IYD: variants seen among roughly 807,000 people sequenced by gnomAD.
IYD encodes iodotyrosine deiodinase 1.
Under a neutral mutation model 28.4 loss-of-function variants are expected in IYD, and 25 were observed. That is an observed-to-expected ratio of 0.88 (90% CI 0.64 to 1.23). The LOEUF (loss-of-function observed/expected upper bound fraction) is 1.23, where lower values mean the gene tolerates loss of function less well. Ranked by LOEUF, IYD falls within the 50% of genes most tolerant of loss-of-function variation. IYD has a pLI of 0.00. For missense variants in IYD, 352 were observed against 357.9 expected (o/e 0.98, Z 0.13); for synonymous variants, 140 against 130.8 (o/e 1.07, Z -0.48).
chr6:150,398,226 G>T lies in IYD; in HGVS notation c.859G>T (p.Val287Leu), dbSNP rs1032066874. 1 of 1,614,138 alleles carries T rather than the reference G, an allele frequency of 6.2e-7. No homozygotes were observed. Among genetic ancestry groups the T allele is most frequent in the Admixed American group, 1.7e-5 (1 of 60,016 alleles). ...GCGCAAACCTCTGGACCAGATCATG[G>T]TGACAGTGTAGGCAGGGCCCCCCAA... ...LKRKPLDQIM[V>L]TV Residue 287 changes from valine (V) to leucine (L), a missense_variant, in exon 5 of 5, where the codon GTG becomes TTG. Transcript: ENST00000344419.
In IYD at chr6:150,398,112, G is replaced by T; in HGVS notation, c.745G>T (p.Val249Leu). 2 of 1,614,164 alleles carry T rather than the reference G, an allele frequency of 1.2e-6. No individual in the cohort carries two copies. The highest frequency in any genetic ancestry group is 1.7e-6 in the Non-Finnish European group (2 of 1,180,030). The change falls in exon 5 of 5, where the codon GTG becomes TTG. Residue 249 changes from valine (V) to leucine (L), a missense_variant. Physicochemically the swap from Val to Leu is conservative, Grantham distance 32. Coordinates refer to ENST00000344419, the MANE Select transcript of IYD (RefSeq NM_203395.3). ...TCTCAACTGTGGCCCTCGACTGAGG[G>T]TGCTCCTGGGCCGCCCCGCACATGA... The part of the protein sequence containing the change: ...TPLNCGPRLR[V>L]LLGRPAHEKL...
chr6:150,395,799 A>G (rs1177949037), intron 4 of IYD: 4 of 624,318 alleles, frequency 6.4e-6, no homozygotes, highest in Non-Finnish European at 1.2e-5. Flanking sequence ...TCTGATTGGA[A>G]AAGCTGGAGA....
intron 1 of IYD, among the ~76,000 whole-genome samples, chr6:150,386,469 T>A (rs1295110435): frequency 6.6e-6 from 1 of 152,150 alleles, no homozygotes; most frequent in African/African-American, 2.4e-5. Context: ...TCTGGTCCAA[T>A]AAGTCTGCTT....
chr6:150,405,766 A>G lies in IYD; in HGVS notation c.*7529A>G, dbSNP rs1348862735. Reference sequence around the variant, plus strand: ...TGGGGATTATGGGAACTACAATGCAAGATGAGATTTGGGTGAAGACATAGC... The same window carrying G: ...TGGGGATTATGGGAACTACAATGCAGGATGAGATTTGGGTGAAGACATAGC... On this transcript the variant is annotated 3_prime_UTR_variant, in exon 5 of 5. Coordinates refer to ENST00000344419, the MANE Select transcript of IYD (RefSeq NM_203395.3). The G allele has an allele frequency of 6.6e-6, 1 of 152,214 alleles. No homozygotes were observed. Among genetic ancestry groups the G allele is most frequent in the Admixed American group, 6.5e-5 (1 of 15,286 alleles). 9.4% of individuals were successfully genotyped at this position (152,214 alleles called of 1,614,324 possible).
intron 1 of IYD, among the ~76,000 whole-genome samples, chr6:150,374,107 T>C (rs1417336513): frequency 2.0e-5 from 3 of 152,250 alleles, no homozygotes; most frequent in Non-Finnish European, 4.4e-5. Flanking sequence ...TCCACTGCTT[T>C]GGAGAGGAAG....
chr6:150,400,967 G>A lies in IYD; in HGVS notation c.*2730G>A, dbSNP rs1778493245. 6.6e-6 allele frequency: 1 copy of A among 152,304 alleles called. No homozygotes were observed. Among genetic ancestry groups the A allele is most frequent in the East Asian group, 1.9e-4 (1 of 5,186 alleles). The allele number at this position is 152,304 out of a possible 1,614,324, so 9.4% of individuals were successfully genotyped here. A position where few individuals can be genotyped will look rare whatever the true frequency, so the allele number is the denominator to read the frequency against. ...GTAGGTGATATTGTTAGTGATGTGA[G>A]TGATGCCTGCTGAAGTACTGAGAGA... On this transcript the variant is annotated 3_prime_UTR_variant, in exon 5 of 5. Coordinates refer to ENST00000344419, the MANE Select transcript of IYD (RefSeq NM_203395.3).
In IYD at chr6:150,372,769, G is replaced by T. The variant is rs56173709; in HGVS notation, c.178+3560G>T. ...ATACATGTGTATGTGTGTGTGGGTG[G>T]GGTGGGGGTGGTGAGGGAACATTGT... On this transcript the variant is annotated intron_variant, in intron 1 of 4. Coordinates refer to ENST00000344419, the MANE Select transcript of IYD (RefSeq NM_203395.3). Among the ~76,000 whole-genome samples the T allele has an allele frequency of 1.4e-3, 95 of 68,044 alleles. 5 individuals are homozygous for T. The East Asian group carries it at 0.047, about 34-fold the overall frequency. The allele number at this position is 68,044 out of a possible 152,430, so 44.6% of individuals were successfully genotyped here. A position where few individuals can be genotyped will look rare whatever the true frequency, so the allele number is the denominator to read the frequency against.
At chr6:150,387,396 A>T (rs1777906460) in intron 1 of IYD, among the ~76,000 whole-genome samples, 1 of 149,886 alleles carries the variant, frequency 6.7e-6, no homozygotes, top group Admixed American at 6.7e-5. Context: ...CCCCATTTCT[A>T]ATTTTAAAAG....
intron 1 of IYD, among the ~76,000 whole-genome samples, chr6:150,382,482 G>A (rs1045542292): frequency 6.6e-5 from 10 of 152,050 alleles, no homozygotes; most frequent in Non-Finnish European, 1.3e-4. Flanking sequence ...TTAAAATCTC[G>A]GATTGGTATT....
At chr6:150,388,671 C>CTTTCTTTCTTTCTTTA (rs1275700994) in intron 1 of IYD, among the ~76,000 whole-genome samples, 1 of 136,426 alleles carries the variant, frequency 7.3e-6, no homozygotes, top group South Asian at 2.3e-4. Context: ...TTCTTTCTTT[C>CTTTCTTTCTTTCTTTA]TTTCTTTCTT....
In IYD at chr6:150,398,042, C is replaced by G. The variant is rs1425676541; in HGVS notation, c.688-13C>G. 4 of 1,613,684 alleles carry G rather than the reference C, an allele frequency of 2.5e-6. No homozygotes were observed. ...TGCTGACTTTAAAATGCTTTCTTGTCCTCTTATTTTAGAATGCAGGTCTGG... is the reference window on the plus strand; with the variant it reads ...TGCTGACTTTAAAATGCTTTCTTGTGCTCTTATTTTAGAATGCAGGTCTGG... On this transcript the variant is annotated splice_polypyrimidine_tract_variant and intron_variant, in intron 4 of 4. Transcript: ENST00000344419.
Position 150,400,497 on chromosome 6 carries a change from C to T in IYD, c.*2260C>T, listed in dbSNP as rs1417171512. 1 of 152,094 alleles carries T rather than the reference C, an allele frequency of 6.6e-6. No individual in the cohort carries two copies. The highest frequency in any genetic ancestry group is 2.4e-5 in the African/African-American group (1 of 41,406). 9.4% of individuals were successfully genotyped at this position (152,094 alleles called of 1,614,324 possible). ...TCCAAAGATGTCAATGGAAACTAAT[C>T]GAGTCTTACACCTAATTTTCAGTTT... is the stretch of plus-strand genomic sequence containing the variant. On this transcript the variant is annotated 3_prime_UTR_variant, in exon 5 of 5. Transcript: ENST00000344419.
Position 150,398,300 on chromosome 6 carries a change from T to C in IYD, c.*63T>C. 3 of 1,522,680 alleles carry C rather than the reference T, an allele frequency of 2.0e-6. No individual in the cohort carries two copies. Among genetic ancestry groups the C allele is most frequent in the South Asian group, 2.3e-5 (2 of 88,866 alleles). The allele number at this position is 1,522,680 out of a possible 1,614,324, so 94.3% of individuals were successfully genotyped here. A position where few individuals can be genotyped will look rare whatever the true frequency, so the allele number is the denominator to read the frequency against. ...CCTGCTTTTCCCTGAGCCTCTCGCC[T>C]GCTCCTCTTGGGTCTCTTGGCTGCT... On this transcript the variant is annotated 3_prime_UTR_variant, in exon 5 of 5. Coordinates refer to ENST00000344419, the MANE Select transcript of IYD (RefSeq NM_203395.3).
Position 150,398,532 on chromosome 6 carries a change from A to AT in IYD, c.*300dup, listed in dbSNP as rs1778411449. 1 of 313,588 alleles carries AT rather than the reference A, an allele frequency of 3.2e-6. No individual in the cohort carries two copies. The highest frequency in any genetic ancestry group is 2.1e-5 in the African/African-American group (1 of 47,166). 19.4% of individuals were successfully genotyped at this position (313,588 alleles called of 1,614,324 possible). On this transcript the variant is annotated 3_prime_UTR_variant, in exon 5 of 5. Transcript: ENST00000344419. ...CAATCACTATTGGCTTTTTTCTTTTATTTTTAAAAAACTCACATAGAGGAG... is the reference window on the plus strand; with the variant it reads ...CAATCACTATTGGCTTTTTTCTTTTATTTTTTAAAAAACTCACATAGAGGAG...
intron 1 of IYD, among the ~76,000 whole-genome samples, chr6:150,379,191 C>T (rs1777558335): frequency 6.6e-6 from 1 of 152,176 alleles, no homozygotes; most frequent in South Asian, 2.1e-4. Flanking sequence ...GCATTGATTC[C>T]TGGTTCCTCC....
intron 1 of IYD, among the ~76,000 whole-genome samples, chr6:150,386,837 C>T (rs1048120979): frequency 6.6e-6 from 1 of 151,748 alleles, no homozygotes; most frequent in Admixed American, 6.6e-5. Flanking sequence ...TGACTTTCAA[C>T]CTTTCTATAT....
chr6:150,386,489 T>C lies in IYD; in HGVS notation c.179-2863T>C, dbSNP rs988054516. On this transcript the variant is annotated intron_variant, in intron 1 of 4. Coordinates refer to ENST00000344419, the MANE Select transcript of IYD (RefSeq NM_203395.3). ...TCCAATAAGTCTGCTTAAAAAAAAA[T>C]GTGTTCTGTAGTTGTTTGGTGCAGT... 2.0e-5 allele frequency among the ~76,000 whole-genome samples: 3 copies of C among 152,102 alleles called. No individual in the cohort carries two copies. In the East Asian group the frequency reaches 5.8e-4, roughly 29 times the overall value.
Position 150,394,167 on chromosome 6 carries a change from G to C in IYD, c.599G>C (p.Gly200Ala), listed in dbSNP as rs1431788360. The part of the protein sequence containing the change: ...ILILIFKQVH[G>A]FAANGKKKVH... Reference sequence around the variant, plus strand: ...ATTCTCATTTTCAAACAAGTACATGGTTTCGCCGCAAATGGCAAGAAAAAA... The same window carrying C: ...ATTCTCATTTTCAAACAAGTACATGCTTTCGCCGCAAATGGCAAGAAAAAA... Residue 200 changes from glycine (G) to alanine (A), a missense_variant, in exon 4 of 5, where the codon GGT becomes GCT. Gly to Ala is a moderately conservative substitution (Grantham distance 60). Transcript: ENST00000344419. 3 of 1,614,124 alleles carry C rather than the reference G, an allele frequency of 1.9e-6. No individual in the cohort carries two copies. The highest frequency in any genetic ancestry group is 1.7e-6 in the Non-Finnish European group (2 of 1,180,016).
intron 1 of IYD, among the ~76,000 whole-genome samples, chr6:150,380,705 T>C (rs1043962661): frequency 6.6e-6 from 1 of 151,704 alleles, no homozygotes; most frequent in African/African-American, 2.4e-5. Context: ...CTATGTGTTT[T>C]CTTCTTCCAC....
Sources: gnomAD v4.1 joint callset for allele counts (sites outside exome capture counted in the v4.1 genomes callset) on GRCh38, gnomAD v4.1.1 for gene constraint, MANE v1.5 for transcripts, NCBI Gene and HGNC (gene_info 2026-07-23, HGNC 2026-07-21) for gene names.